The following GAB2 variants were observed in gnomAD, a reference collection of about 807,000 sequenced individuals.
GAB2 encodes the protein GRB2-associated-binding protein 2.
In GAB2, 26 loss-of-function variants were observed where a neutral mutation model predicts 65.5. The observed-to-expected ratio is 0.40, with a 90% CI of 0.29 to 0.55. The LOEUF is 0.55. Ranked by LOEUF, GAB2 falls within the 20% of genes least tolerant of loss-of-function variation. GAB2 has a pLI of 0.53. For missense variants in GAB2, 884 were observed against 875.8 expected (o/e 1.01, Z -0.12); for synonymous variants, 321 against 329.6 (o/e 0.97, Z 0.28).
chr11:78,219,526 G>A, intron 9 of GAB2, 111 bp from the exon 10 acceptor site: 3 of 938,552 alleles, frequency 3.2e-6, no homozygotes, highest in Non-Finnish European at 5.0e-6. Flanking sequence ...GAAGAGCATG[G>A]CCTCTGCCTG....
chr11:78,401,102 C>G (rs565821743), intron 1 of GAB2, among the ~76,000 whole-genome samples: 1 of 145,788 alleles, frequency 6.9e-6, no homozygotes, highest in Non-Finnish European at 1.5e-5. Flanking sequence ...CTAACCTTTA[C>G]CAAGTGAGGT....
intron 1 of GAB2, among the ~76,000 whole-genome samples, chr11:78,397,801 T>C (rs1856920232): frequency 6.6e-6 from 1 of 152,040 alleles, no homozygotes; most frequent in Non-Finnish European, 1.5e-5. Context: ...GATACTTATG[T>C]ACACTGTAGA....
chr11:78,413,478 TA>T (rs1478089037), intron 1 of GAB2, among the ~76,000 whole-genome samples: 3 of 151,682 alleles, frequency 2.0e-5, no homozygotes, highest in Non-Finnish European at 4.4e-5. Context: ...AAATGAGGAG[TA>T]AAAAATCATC....
At chr11:78,404,603 G>A (rs987519048) in intron 1 of GAB2, among the ~76,000 whole-genome samples, 1 of 152,230 alleles carries the variant, frequency 6.6e-6, no homozygotes, top group East Asian at 1.9e-4. Flanking sequence ...CCTGCCATTC[G>A]TGGCAACACG....
intron 3 of GAB2, among the ~76,000 whole-genome samples, chr11:78,244,091 A>G (rs1865221926): frequency 6.6e-6 from 1 of 151,822 alleles, no homozygotes; most frequent in African/African-American, 2.4e-5. Context: ...AAAAATAGAC[A>G]AATGGCTGGG....
intron 1 of GAB2, among the ~76,000 whole-genome samples, chr11:78,327,605 G>C (rs1412018851): frequency 6.6e-6 from 1 of 152,154 alleles, no homozygotes; most frequent in African/African-American, 2.4e-5. Context: ...CAGGGAGCCA[G>C]GAAAACATGA....
chr11:78,270,675 G>T (rs138152622), intron 2 of GAB2, among the ~76,000 whole-genome samples: 26 of 152,286 alleles, frequency 1.7e-4, no homozygotes, highest in African/African-American at 6.0e-4. Flanking sequence ...AGACTATAAA[G>T]TTCTGTAAAA....
At chr11:78,240,917 C>G (rs1014262113) in intron 3 of GAB2, among the ~76,000 whole-genome samples, 6 of 152,208 alleles carry the variant, frequency 3.9e-5, no homozygotes, top group Non-Finnish European at 8.8e-5. Context: ...CAAGACCCAG[C>G]TGCCACAATA....
chr11:78,265,056 T>A (rs1196518043), intron 2 of GAB2, among the ~76,000 whole-genome samples: 1 of 152,118 alleles, frequency 6.6e-6, no homozygotes, highest in Non-Finnish European at 1.5e-5. Context: ...GAAGAATGTC[T>A]TATTTCTATT....
At chr11:78,299,784 A>G (rs11602622) in intron 1 of GAB2, among the ~76,000 whole-genome samples, 31,598 of 152,130 alleles carry the variant, frequency 0.21, 3,582 homozygotes, top group East Asian at 0.4. Flanking sequence ...CAGCTGCTTG[A>G]AGTATTGCAT....
At chr11:78,234,294 G>A (rs1379988946) in intron 3 of GAB2, among the ~76,000 whole-genome samples, 1 of 152,054 alleles carries the variant, frequency 6.6e-6, no homozygotes, top group Admixed American at 6.5e-5. Flanking sequence ...TGTTATCCAG[G>A]CTGGTTTTCA....
At chr11:78,228,082 T>C (rs1313128625) in intron 3 of GAB2, among the ~76,000 whole-genome samples, 6 of 152,242 alleles carry the variant, frequency 3.9e-5, no homozygotes, top group Non-Finnish European at 1.5e-5. Flanking sequence ...CCAGTACTGC[T>C]ACTGATACGT....
At chr11:78,409,684 CCT>C (rs771087255) in intron 1 of GAB2, among the ~76,000 whole-genome samples, 2 of 152,128 alleles carry the variant, frequency 1.3e-5, no homozygotes, top group Non-Finnish European at 1.5e-5. Flanking sequence ...AACTTCAACC[CCT>C]GTCTCTCAAC....
intron 2 of GAB2, among the ~76,000 whole-genome samples, chr11:78,265,141 T>C (rs1590979505): frequency 6.6e-6 from 1 of 151,600 alleles, no homozygotes; most frequent in East Asian, 1.9e-4. Flanking sequence ...AAGTCATTAA[T>C]GTTGTGGGTT....
intron 1 of GAB2, among the ~76,000 whole-genome samples, chr11:78,293,497 C>G (rs1298571311): frequency 6.6e-6 from 1 of 152,122 alleles, no homozygotes; most frequent in Non-Finnish European, 1.5e-5. Context: ...AATCTCTATT[C>G]CAGGTAAGAT....
intron 1 of GAB2, among the ~76,000 whole-genome samples, chr11:78,402,053 G>T (rs1376176246): frequency 6.6e-6 from 1 of 152,134 alleles, no homozygotes; most frequent in Admixed American, 6.5e-5. Flanking sequence ...AGTTTTTGAA[G>T]ATCTTCCCCT....
chr11:78,268,799 G>A (rs911395696), intron 2 of GAB2, among the ~76,000 whole-genome samples: 1 of 151,576 alleles, frequency 6.6e-6, no homozygotes, highest in African/African-American at 2.4e-5. Flanking sequence ...ATAGGGTCAG[G>A]TTTCTCCCTG....
In GAB2 at chr11:78,248,896, G is replaced by A. The variant is rs188818681; in HGVS notation, c.620+1261C>T. Among the ~76,000 whole-genome samples, 4 of 152,244 alleles carry A rather than the reference G, an allele frequency of 2.6e-5. No individual in the cohort carries two copies. The East Asian group carries it at 5.8e-4, about 22-fold the overall frequency. On this transcript the variant is annotated intron_variant, in intron 3 of 9. Coordinates refer to ENST00000361507, the MANE Select transcript of GAB2 (RefSeq NM_080491.3). ...GAATCAGGTACTATTTACAGTTAAC[G>A]CCACTAACTAGTTCAGTGACCTTGG...
At chr11:78,260,114 T>C (rs1450804779) in intron 2 of GAB2, among the ~76,000 whole-genome samples, 1 of 152,142 alleles carries the variant, frequency 6.6e-6, no homozygotes, top group East Asian at 1.9e-4. Flanking sequence ...ATAAGAACTA[T>C]AAAGCGGAGG....
Sources: allele counts gnomAD v4.1 joint callset (sites outside exome capture counted in the v4.1 genomes callset), GRCh38; gene constraint gnomAD v4.1.1; transcripts MANE v1.5; gene names NCBI Gene and HGNC (gene_info 2026-07-23, HGNC 2026-07-21).